FGGY: variants seen among roughly 807,000 people sequenced by gnomAD.
FGGY encodes FGGY carbohydrate kinase domain-containing protein.
A neutral mutation model predicts 71.3 loss-of-function variants in FGGY; 72 were observed. The ratio of observed to expected loss-of-function variants is 1.01; its 90% CI spans 0.84 to 1.23. The LOEUF is 1.23. Among genes scored for constraint, FGGY ranks in the 50% most tolerant of loss-of-function variants. The pLI, the probability that FGGY is intolerant of heterozygous loss-of-function variation, is 0.00. For synonymous variants in FGGY, 251 were observed against 250.3 expected (o/e 1.00, Z -0.02); for missense variants, 668 against 682.3 (o/e 0.98, Z 0.23).
chr1:59,749,508 C>A (rs573559184), intron 14 of FGGY, among the ~76,000 whole-genome samples: 2 of 152,146 alleles, frequency 1.3e-5, no homozygotes, highest in East Asian at 3.9e-4. Flanking sequence ...GAGGAAAAAA[C>A]CCATACATTT....
intron 8 of FGGY, among the ~76,000 whole-genome samples, chr1:59,560,467 T>C (rs2798651): frequency 1 from 151,683 of 152,312 alleles, 75,529 homozygotes; most frequent in East Asian, 1. Flanking sequence ...AATATATCAG[T>C]GTCATTCACT....
intron 6 of FGGY, among the ~76,000 whole-genome samples, chr1:59,467,034 A>G (rs980467651): frequency 1.3e-5 from 2 of 152,216 alleles, no homozygotes; most frequent in Admixed American, 6.5e-5. Flanking sequence ...TCATGCTACT[A>G]TAAAGACACG....
At chr1:59,391,120 T>C (rs1208293408) in intron 5 of FGGY, among the ~76,000 whole-genome samples, 1 of 152,206 alleles carries the variant, frequency 6.6e-6, no homozygotes, top group South Asian at 2.1e-4. Context: ...AGAAACCTAG[T>C]AAACCTGTGG....
At chr1:59,544,753 G>A (rs1383131039) in intron 7 of FGGY, among the ~76,000 whole-genome samples, 4 of 152,206 alleles carry the variant, frequency 2.6e-5, no homozygotes, top group Admixed American at 6.5e-5. Context: ...CAGGAAACTG[G>A]TGGTGAGAAA....
intron 8 of FGGY, among the ~76,000 whole-genome samples, chr1:59,588,600 A>G (rs1571733797): frequency 6.6e-6 from 1 of 152,168 alleles, no homozygotes; most frequent in Non-Finnish European, 1.5e-5. Flanking sequence ...CTTGGCAGAA[A>G]CCCTACAAGC....
intron 11 of FGGY, among the ~76,000 whole-genome samples, chr1:59,644,369 T>G (rs1011901712): frequency 1.3e-5 from 2 of 152,142 alleles, no homozygotes; most frequent in Non-Finnish European, 2.9e-5. Flanking sequence ...CTTTTGATGA[T>G]ACAATATCAG....
At chr1:59,663,215 A>G (rs527755008) in intron 12 of FGGY, among the ~76,000 whole-genome samples, 1 of 152,286 alleles carries the variant, frequency 6.6e-6, no homozygotes, top group South Asian at 2.1e-4. Context: ...GGGGAGGACC[A>G]TTTGCCGAGG....
chr1:59,619,711 T>A (rs2096789972), intron 9 of FGGY, among the ~76,000 whole-genome samples: 2 of 152,076 alleles, frequency 1.3e-5, no homozygotes, highest in South Asian at 4.1e-4. Flanking sequence ...TTACTCTCAG[T>A]GAAATGGAAA....
chr1:59,644,060 C>T (rs1206160856), intron 11 of FGGY, among the ~76,000 whole-genome samples: 1 of 152,128 alleles, frequency 6.6e-6, no homozygotes, highest in Non-Finnish European at 1.5e-5. Context: ...TTCTTCTGAC[C>T]ACCAACCTTG....
intron 6 of FGGY, chr1:59,474,231 A>G (rs973393085): frequency 4.6e-5 from 7 of 152,328 alleles, no homozygotes; most frequent in African/African-American, 1.7e-4. Context: ...TTTGCTGTGG[A>G]AATGTTCCTC....
chr1:59,642,497 C>T (rs1175483240), intron 11 of FGGY, among the ~76,000 whole-genome samples: 14 of 151,716 alleles, frequency 9.2e-5, no homozygotes, highest in Non-Finnish European at 5.9e-5. Flanking sequence ...TGGTGGTGGA[C>T]GCCTGTAATC....
intron 7 of FGGY, among the ~76,000 whole-genome samples, chr1:59,530,779 A>G (rs919802069): frequency 6.6e-6 from 1 of 152,184 alleles, no homozygotes; most frequent in African/African-American, 2.4e-5. Flanking sequence ...AGTGTAGAGT[A>G]TGCTGAAATA....
intron 5 of FGGY, among the ~76,000 whole-genome samples, chr1:59,421,797 G>A (rs1250859641): frequency 6.7e-6 from 1 of 148,690 alleles, no homozygotes; most frequent in Non-Finnish European, 1.5e-5. Context: ...TTGGGCTTGA[G>A]GTCTCATTTG....
chr1:59,448,023 T>G (rs1315366855), intron 5 of FGGY, among the ~76,000 whole-genome samples: 4 of 151,652 alleles, frequency 2.6e-5, no homozygotes, highest in Non-Finnish European at 4.4e-5. Context: ...TCAGGGGTGG[T>G]GAGCACCACC....
chr1:59,738,625 G>A (rs2098123937), intron 14 of FGGY, among the ~76,000 whole-genome samples: 1 of 152,224 alleles, frequency 6.6e-6, no homozygotes, highest in East Asian at 1.9e-4. Context: ...TCCCATGTCA[G>A]AAGAAACTGG....
intron 2 of FGGY, among the ~76,000 whole-genome samples, chr1:59,330,826 C>T (rs1017556015): frequency 6.6e-6 from 1 of 152,112 alleles, no homozygotes; most frequent in Non-Finnish European, 1.5e-5. Flanking sequence ...AGACAGCTGG[C>T]TCAGACCAAT....
intron 14 of FGGY, chr1:59,754,703 C>G (rs1238099480): frequency 6.6e-6 from 1 of 152,300 alleles, no homozygotes; most frequent in Non-Finnish European, 1.5e-5. Context: ...AAAGCATGAA[C>G]CACTGCTCCC....
chr1:59,626,260 A>G (rs2096855546), intron 10 of FGGY: 1 of 494,754 alleles, frequency 2.0e-6, no homozygotes, highest in Non-Finnish European at 3.7e-6. Flanking sequence ...TACCCCAAGA[A>G]TATACCCAGG....
chr1:59,761,675 A>T (rs1442269932), intron 15 of FGGY, among the ~76,000 whole-genome samples: 1 of 152,230 alleles, frequency 6.6e-6, no homozygotes, highest in Non-Finnish European at 1.5e-5. Context: ...TCTAACCCAA[A>T]GAGTCAGCCA....
Sources: gnomAD v4.1 joint callset for allele counts (sites outside exome capture counted in the v4.1 genomes callset) on GRCh38, gnomAD v4.1.1 for gene constraint, MANE v1.5 for transcripts, NCBI Gene and HGNC (gene_info 2026-07-23, HGNC 2026-07-21) for gene names.